ASXL2: variants seen among roughly 807,000 people sequenced by gnomAD.
ASXL2 encodes putative Polycomb group protein ASXL2.
In ASXL2, 23 loss-of-function variants were observed where a neutral mutation model predicts 122.0. That is an observed-to-expected ratio of 0.19 (90% CI 0.14 to 0.27). The LOEUF (loss-of-function observed/expected upper bound fraction) is 0.27, where lower values mean the gene tolerates loss of function less well. Among genes scored for constraint, ASXL2 ranks in the 10% least tolerant of loss-of-function variants. The probability of loss-of-function intolerance (pLI) is 1.00; values close to 1 mark genes in which losing one functional copy is unlikely to be tolerated. For missense variants in ASXL2, 1,518 were observed against 1,713.8 expected (o/e 0.89, Z 2.02); for synonymous variants, 650 against 637.0 (o/e 1.02, Z -0.31).
At chr2:25,863,067 C>T (rs929198829) in intron 1 of ASXL2, among the ~76,000 whole-genome samples, 3 of 152,076 alleles carry the variant, frequency 2.0e-5, no homozygotes, top group Non-Finnish European at 4.4e-5. Flanking sequence ...CAGTGGCTCA[C>T]GCCTTTAATC....
intron 1 of ASXL2, among the ~76,000 whole-genome samples, chr2:25,849,957 A>G (rs1308209981): frequency 6.6e-6 from 1 of 152,234 alleles, no homozygotes. Context: ...TACACTTTTA[A>G]AACTTTTTAT....
At chr2:25,863,683 ACT>A (rs917359848) in intron 1 of ASXL2, among the ~76,000 whole-genome samples, 10 of 151,170 alleles carry the variant, frequency 6.6e-5, no homozygotes, top group African/African-American at 1.5e-4. Flanking sequence ...ACAGAGTAAG[ACT>A]CTGTCTCAAA....
chr2:25,743,485 G>T lies in ASXL2; in HGVS notation c.2852C>A (p.Pro951His). The T allele has an allele frequency of 6.2e-7, 1 of 1,613,850 alleles. No individual in the cohort carries two copies. The highest frequency in any genetic ancestry group is 1.1e-5 in the South Asian group (1 of 91,084). Residue 951 changes from proline to histidine, a missense_variant, in exon 13 of 13, where the codon CCT (proline) becomes CAT (histidine). Around this residue, in one of 8 missense-constraint regions of ASXL2, gnomAD observed 831 missense variants for 833.1 expected, o/e 1.00. Transcript: ENST00000435504. ...GCCTTGAAGCAGCTGAGTCACTAAA[G>T]GATTATTAGCAGGGATACTAGAGGT... ...RPTSSIPANN[P>H]LVTQLLQGKD...
At chr2:25,758,460 A>G (rs910956246) in intron 9 of ASXL2, among the ~76,000 whole-genome samples, 1 of 152,210 alleles carries the variant, frequency 6.6e-6, no homozygotes, top group Non-Finnish European at 1.5e-5. Flanking sequence ...TAAAAATCTC[A>G]GAAGTGAAGA....
intron 1 of ASXL2, among the ~76,000 whole-genome samples, chr2:25,863,811 G>A (rs1016471356): frequency 6.6e-6 from 1 of 151,756 alleles, no homozygotes. Context: ...TTCGAGACCA[G>A]CCTGGCCAAC....
At chr2:25,750,724 TA>T in intron 11 of ASXL2, among the ~76,000 whole-genome samples, 1 of 152,342 alleles carries the variant, frequency 6.6e-6, no homozygotes, top group Non-Finnish European at 1.5e-5. Flanking sequence ...TTAATCCATA[TA>T]AAGTACTTGC....
chr2:25,748,618 A>G (rs1006549493), intron 12 of ASXL2, among the ~76,000 whole-genome samples: 1 of 152,234 alleles, frequency 6.6e-6, no homozygotes, highest in African/African-American at 2.4e-5. Flanking sequence ...AAAGGGGGAA[A>G]AAGTACTTTT....
chr2:25,832,005 G>A (rs143170270), intron 3 of ASXL2, among the ~76,000 whole-genome samples: 12 of 152,244 alleles, frequency 7.9e-5, no homozygotes, highest in African/African-American at 2.9e-4. Context: ...AACAGCTTCA[G>A]ACTAAGTAAA....
intron 5 of ASXL2, among the ~76,000 whole-genome samples, chr2:25,785,892 A>G (rs2088736044): frequency 6.6e-6 from 1 of 152,134 alleles, no homozygotes; most frequent in South Asian, 2.1e-4. Flanking sequence ...AGAACCAAAA[A>G]CCAATTACCA....
rs1367858746 is a variant in ASXL2, at chr2:25,765,987, TTTTA to T, written c.775+1592_775+1595del. Among the ~76,000 whole-genome samples the T allele has an allele frequency of 5.3e-5, 8 of 152,294 alleles. No homozygotes were observed. In the East Asian group the frequency reaches 1.2e-3, roughly 22 times the overall value. On this transcript the variant is annotated intron_variant, in intron 8 of 12. Transcript: ENST00000435504. ...CCCCTCTAGAATCAAACTAAGGTTT[TTTTA>T]TTTTTTATTTTTTACAAAGCATTGT...
At chr2:25,771,313 C>T (rs761629224) in intron 6 of ASXL2, 127 bp downstream of exon 6, 20 of 716,668 alleles carry the variant, frequency 2.8e-5, no homozygotes, top group South Asian at 4.2e-5. Flanking sequence ...CATTGGGCTA[C>T]TGCATGAAAG....
chr2:25,822,697 T>A, intron 3 of ASXL2: 1 of 713,550 alleles, frequency 1.4e-6, no homozygotes, highest in South Asian at 1.3e-5. Flanking sequence ...GTATGTTGTT[T>A]ACGAAAAGGA....
intron 6 of ASXL2, among the ~76,000 whole-genome samples, 154 bp from the exon 7 acceptor site, chr2:25,769,022 C>T (rs1449215837): frequency 6.6e-6 from 1 of 152,108 alleles, no homozygotes; most frequent in Non-Finnish European, 1.5e-5. Flanking sequence ...AGCTAACTCT[C>T]GCTTCTTGGC....
intron 11 of ASXL2, among the ~76,000 whole-genome samples, chr2:25,751,626 C>A (rs558944431): frequency 1.5e-4 from 22 of 150,226 alleles, no homozygotes; most frequent in African/African-American, 4.4e-4. Flanking sequence ...AGAGTGGGAC[C>A]CTGTCTTTGA....
intron 3 of ASXL2, among the ~76,000 whole-genome samples, chr2:25,822,311 G>A (rs1449964507): frequency 6.6e-6 from 1 of 152,182 alleles, no homozygotes; most frequent in Non-Finnish European, 1.5e-5. Flanking sequence ...TGGGGACCGA[G>A]GTGGAGCCCG....
intron 11 of ASXL2, among the ~76,000 whole-genome samples, chr2:25,752,940 G>T (rs1404320417): frequency 2.7e-5 from 4 of 150,754 alleles, no homozygotes; most frequent in Non-Finnish European, 4.4e-5. Context: ...CAAAGAAAGG[G>T]ACTCTTAATT....
chr2:25,806,720 T>C (rs1381411996), intron 3 of ASXL2, among the ~76,000 whole-genome samples: 1 of 152,204 alleles, frequency 6.6e-6, no homozygotes, highest in Non-Finnish European at 1.5e-5. Context: ...AATTCCATTG[T>C]ATACTGCTGC....
At chr2:25,862,395 A>C (rs183545572) in intron 1 of ASXL2, among the ~76,000 whole-genome samples, 57 of 152,372 alleles carry the variant, frequency 3.7e-4, no homozygotes, top group African/African-American at 1.3e-3. Flanking sequence ...GTATGATGGT[A>C]CATATGATTC....
intron 10 of ASXL2, 62 bp downstream of exon 10, chr2:25,755,956 G>A: frequency 7.5e-7 from 1 of 1,333,658 alleles, no homozygotes; most frequent in East Asian, 2.3e-5. Flanking sequence ...ATTACCTGAT[G>A]AGGAAGAGAG....
Sources: gnomAD v4.1 joint callset for allele counts (sites outside exome capture counted in the v4.1 genomes callset) on GRCh38, gnomAD v4.1.1 for gene constraint, gnomAD v4.1.1 regional missense constraint, MANE v1.5 for transcripts, NCBI Gene and HGNC (gene_info 2026-07-23, HGNC 2026-07-21) for gene names.